The following GNA11 variants were observed in gnomAD, a reference collection of about 807,000 sequenced individuals.
GNA11 encodes the protein G protein subunit alpha 11.
Under a neutral mutation model 38.2 loss-of-function variants are expected in GNA11, and 8 were observed. That is an observed-to-expected ratio of 0.21 (90% confidence interval 0.12 to 0.38). The LOEUF is 0.38. Among genes scored for constraint, GNA11 ranks in the 10% least tolerant of loss-of-function variants. GNA11 has a pLI of 1.00. For synonymous variants in GNA11, 211 were observed against 221.4 expected, an observed-to-expected ratio of 0.95 and a Z score of 0.42; for missense variants, 268 against 516.3, an observed-to-expected ratio of 0.52 and a Z score of 4.66.
chr19:3,107,554 G>T (rs1247182371), intron 1 of GNA11, among the ~76,000 whole-genome samples: 1 of 152,234 alleles, frequency 6.6e-6, no homozygotes, highest in East Asian at 1.9e-4. Flanking sequence ...CTTTCAGTGT[G>T]TGTGAGTGTT....
chr19:3,118,773 C>T (rs540217131), intron 4 of GNA11, 151 bp from the exon 5 acceptor site: 3 of 695,080 alleles, frequency 4.3e-6, no homozygotes, highest in Non-Finnish European at 7.3e-6. Flanking sequence ...TCTCTGAGAG[C>T]GTCCTTGCCC....
chr19:3,094,484 G>A lies in GNA11; in HGVS notation c.-168G>A, dbSNP rs1913307877. On this transcript the variant is annotated 5_prime_UTR_variant, in exon 1 of 7. Transcript: ENST00000078429. This position sits in a 1 kb window ranked among gnomAD's most constrained non-coding sequence, Gnocchi z 6.0. ...GGCGCGGCCCGAGCGGGGACCCGGC[G>A]GCTCGCCAGGCGGCGGCCGAGGCGG... The A allele has an allele frequency of 1.4e-5, 2 of 147,802 alleles. No individual in the cohort carries two copies. The highest frequency in any genetic ancestry group is 3.8e-4 in the South Asian group (2 of 5,300). 9.2% of individuals were successfully genotyped at this position (147,802 alleles called of 1,614,324 possible).
In GNA11 at chr19:3,123,115, C is replaced by T. The variant is rs415647; in HGVS notation, c.*1936C>T. 0.42 allele frequency: 96,988 copies of T among 232,972 alleles called. 21,549 individuals carry two copies. Among genetic ancestry groups the T allele is most frequent in the Non-Finnish European group, 0.49 (57,836 of 117,938 alleles). The allele number at this position is 232,972 out of a possible 1,614,324, so 14.4% of individuals were successfully genotyped here. A position where few individuals can be genotyped will look rare whatever the true frequency, so the allele number is the denominator to read the frequency against. ...CCACCCCTGGCAGGGCCGCTACAAC[C>T]TTTTCCAGCAGCGGAGCCCTCTGGG... On this transcript the variant is annotated 3_prime_UTR_variant, in exon 7 of 7. Transcript: ENST00000078429.
chr19:3,097,798 GC>G (rs1018798651), intron 1 of GNA11, among the ~76,000 whole-genome samples: 2 of 152,202 alleles, frequency 1.3e-5, no homozygotes, highest in African/African-American at 4.8e-5. Context: ...TCTCCCCGGG[GC>G]CCTGTGCACA....
Position 3,121,188 on chromosome 19 carries a change from G to T in GNA11, c.*9G>T, listed in dbSNP as rs758330930. 2 of 1,604,538 alleles carry T rather than the reference G, an allele frequency of 1.2e-6. No individual in the cohort carries two copies. ...AGTACAACCTGGTCTGAGCGCCCAG[G>T]CCCAGGGAGACGGGATGGAGACACG... On this transcript the variant is annotated 3_prime_UTR_variant, in exon 7 of 7. Coordinates refer to ENST00000078429, the MANE Select transcript of GNA11 (RefSeq NM_002067.5).
rs983553501 is a variant in GNA11 at position 3,119,190 on chromosome 19, C to G, written c.736-16C>G. 6.2e-7 allele frequency: 1 copy of G among 1,612,212 alleles called. No homozygotes were observed. The highest frequency in any genetic ancestry group is 8.5e-7 in the Non-Finnish European group (1 of 1,179,274). ...GGGAGGGCCCCTCTGATTCCCTCTG[C>G]CTTCGCTCCCGCCAGAACCGGATGG... On this transcript the variant is annotated splice_polypyrimidine_tract_variant and intron_variant, in intron 5 of 6. Coordinates refer to ENST00000078429, the MANE Select transcript of GNA11 (RefSeq NM_002067.5). This position sits in a 1 kb window ranked among gnomAD's most constrained non-coding sequence, Gnocchi z 4.6.
rs908815200 is a variant in GNA11, at chr19:3,118,824, G to A, written c.606-100G>A. ...GCTCTTCCTGCTCCAGCCGATGTCA[G>A]TCTGGTGTGGCAGGAGGGGCTTGGG... On this transcript the variant is annotated intron_variant, in intron 4 of 6. Coordinates refer to ENST00000078429, the MANE Select transcript of GNA11 (RefSeq NM_002067.5). The A allele has an allele frequency of 6.4e-6, 7 of 1,087,064 alleles. 1 individual carries two copies. The African/African-American group carries it at 1.1e-4, about 17-fold the overall frequency. The allele number at this position is 1,087,064 out of a possible 1,614,324, so 67.3% of individuals were successfully genotyped here. A position where few individuals can be genotyped will look rare whatever the true frequency, so the allele number is the denominator to read the frequency against.
chr19:3,105,576 C>T (rs1294479492), intron 1 of GNA11, among the ~76,000 whole-genome samples: 1 of 152,120 alleles, frequency 6.6e-6, no homozygotes, highest in Admixed American at 6.6e-5. Context: ...CCCAAGAGCT[C>T]CGTGGCGGAA....
chr19:3,119,140 G>T lies in GNA11; in HGVS notation c.736-66G>T. The T allele has an allele frequency of 6.2e-7, 1 of 1,604,096 alleles. No individual in the cohort carries two copies. The highest frequency in any genetic ancestry group is 1.1e-5 in the South Asian group (1 of 90,564). On this transcript the variant is annotated intron_variant, in intron 5 of 6. Transcript: ENST00000078429. The surrounding 1 kb of genome is among the most constrained non-coding windows in gnomAD (Gnocchi z 4.6). ...GGGTCCCCTCACCTGGGTCCCCCCA[G>T]CTGCCCCTTGGGCTGTGTGCAGTGG...
At chr19:3,097,375 C>T (rs924499174) in intron 1 of GNA11, among the ~76,000 whole-genome samples, 3 of 152,160 alleles carry the variant, frequency 2.0e-5, no homozygotes, top group African/African-American at 4.8e-5. Flanking sequence ...CCATGGCTCC[C>T]GTACAGCGTT....
chr19:3,114,896 C>T (rs1393829971), intron 3 of GNA11, 48 bp from the exon 4 acceptor site: 9 of 1,545,916 alleles, frequency 5.8e-6, no homozygotes, highest in Admixed American at 5.3e-5. Context: ...CCCTGTCCTG[C>T]CCCCCCACCC....
chr19:3,116,075 T>G (rs79796427), intron 4 of GNA11, among the ~76,000 whole-genome samples: 1 of 151,700 alleles, frequency 6.6e-6, no homozygotes, highest in Non-Finnish European at 1.5e-5. Context: ...GGGCTGCCCC[T>G]GCGGATCCTG....
chr19:3,104,518 G>C (rs535104047), intron 1 of GNA11, among the ~76,000 whole-genome samples: 29 of 152,328 alleles, frequency 1.9e-4, no homozygotes, highest in African/African-American at 7.0e-4. Context: ...CCTCAGGTGT[G>C]GGAGATGTGG....
rs922324766 is a variant in GNA11, at chr19:3,119,608, C to T, written c.889+249C>T. Among the ~76,000 whole-genome samples the T allele has an allele frequency of 7.6e-6, 1 of 132,052 alleles. No homozygotes were observed. Among genetic ancestry groups the T allele is most frequent in the African/African-American group, 3.0e-5 (1 of 33,838 alleles). 86.6% of individuals were successfully genotyped at this position (132,052 alleles called of 152,430 possible). ...TCTGTTAATGCAGGGACTCCTTATA[C>T]AGGAGGGGTCTCGGGTGGGAGGGGT... On this transcript the variant is annotated intron_variant, in intron 6 of 6. Coordinates refer to ENST00000078429, the MANE Select transcript of GNA11 (RefSeq NM_002067.5). The surrounding 1 kb of genome is among the most constrained non-coding windows in gnomAD (Gnocchi z 4.6).
chr19:3,105,786 C>G (rs1178325223), intron 1 of GNA11, among the ~76,000 whole-genome samples: 1 of 152,196 alleles, frequency 6.6e-6, no homozygotes, highest in Admixed American at 6.5e-5. Flanking sequence ...CGTGCACCTG[C>G]TGAAGGGTCT....
At chr19:3,095,772 A>G (rs1913348207) in intron 1 of GNA11, among the ~76,000 whole-genome samples, 1 of 151,478 alleles carries the variant, frequency 6.6e-6, no homozygotes, top group African/African-American at 2.4e-5. Flanking sequence ...CCTTCCTTAG[A>G]GTCCTGGTGG....
At chr19:3,116,680 G>A (rs184092418) in intron 4 of GNA11, among the ~76,000 whole-genome samples, 17 of 152,332 alleles carry the variant, frequency 1.1e-4, no homozygotes, top group Non-Finnish European at 2.2e-4. Flanking sequence ...GTGTTCGTGC[G>A]TGTGGGGCGC....
Position 3,108,132 on chromosome 19 carries a change from AC to A in GNA11, c.137-2011del, listed in dbSNP as rs901485688. Among the ~76,000 whole-genome samples the A allele has an allele frequency of 1.3e-5, 2 of 151,790 alleles. No homozygotes were observed. Among genetic ancestry groups the A allele is most frequent in the Non-Finnish European group, 2.9e-5 (2 of 67,924 alleles). On this transcript the variant is annotated intron_variant, in intron 1 of 6. Transcript: ENST00000078429. The surrounding 1 kb of genome is among the most constrained non-coding windows in gnomAD (Gnocchi z 4.5). ...CGGGATGTGTTGGGTGTTTTGCGAG[AC>A]CCCCCACAGGGAGCTCAGGTGCTGT... is the stretch of plus-strand genomic sequence containing the variant.
intron 2 of GNA11, among the ~76,000 whole-genome samples, chr19:3,112,658 A>G (rs1013613923): frequency 2.0e-5 from 3 of 152,224 alleles, no homozygotes; most frequent in Admixed American, 6.5e-5. Context: ...CCCGCCGCCC[A>G]GGGTTCCGTG....
Sources: gnomAD v4.1 joint callset for allele counts (sites outside exome capture counted in the v4.1 genomes callset) on GRCh38, gnomAD v4.1.1 for gene constraint, Gnocchi (gnomAD v3.1) non-coding constraint, MANE v1.5 for transcripts, NCBI Gene and HGNC (gene_info 2026-07-23, HGNC 2026-07-21) for gene names.